The following ITGB4 variants were observed in gnomAD, a reference collection of about 807,000 sequenced individuals.
The protein encoded by ITGB4 is integrin subunit beta 4, also known as integrin beta-4.
In ITGB4, 159 loss-of-function variants were observed where a neutral mutation model predicts 207.6. The observed-to-expected ratio is 0.77, with a 90% CI of 0.67 to 0.87. The LOEUF is 0.87. Ranked by LOEUF, ITGB4 falls within the 40% of genes least tolerant of loss-of-function variation. The probability of loss-of-function intolerance (pLI) is 0.00; values close to 1 mark genes in which losing one functional copy is unlikely to be tolerated. For synonymous variants in ITGB4, 1,020 were observed against 1,062.7 expected (o/e 0.96, Z 0.78); for missense variants, 2,278 against 2,546.8 (o/e 0.89, Z 2.27).
intron 18 of ITGB4, among the ~76,000 whole-genome samples, chr17:75,738,675 C>G (rs558414870): frequency 6.6e-6 from 1 of 152,238 alleles, no homozygotes; most frequent in African/African-American, 2.4e-5. Flanking sequence ...CCGCAGCTGG[C>G]GGTCACTGGG....
Position 75,749,000 on chromosome 17 carries a change from C to T in ITGB4, c.3271C>T (p.His1091Tyr), listed in dbSNP as rs1327148448. ...GCTCAGCAACCCTAAGTTTGGGGCC[C>T]ACCTGGGCCAGCCCCACTCCACCAC... ...VQLSNPKFGA[H>Y]LGQPHSTTII... is the part of the protein sequence containing the mutation. Residue 1091 changes from histidine (H) to tyrosine (Y), a missense_variant, in exon 27 of 40, where the codon CAC (histidine) becomes TAC (tyrosine). His to Tyr is a moderately conservative substitution (Grantham distance 83). Coordinates refer to ENST00000200181, the MANE Select transcript of ITGB4 (RefSeq NM_000213.5). 1.2e-6 allele frequency: 2 copies of T among 1,612,940 alleles called. No individual in the cohort carries two copies. Among genetic ancestry groups the T allele is most frequent in the Non-Finnish European group, 1.7e-6 (2 of 1,180,010 alleles).
rs752957842 is a variant in ITGB4, at chr17:75,737,575, GCTC to G, written c.2163_2165del (p.Leu722del). On this transcript the variant is annotated inframe_deletion, in exon 18 of 40. Transcript: ENST00000200181. Reference sequence around the variant, plus strand: ...GCTCCTTCTGGTGGCTCATCCCCCTGCTCCTCCTCCTCCTGCCGCTCCTGGCCC... The same window carrying G: ...GCTCCTTCTGGTGGCTCATCCCCCTGCTCCTCCTCCTGCCGCTCCTGGCCC... 1.9e-6 allele frequency: 3 copies of G among 1,602,620 alleles called. No homozygotes were observed. Among genetic ancestry groups the G allele is most frequent in the South Asian group, 1.1e-5 (1 of 89,542 alleles).
intron 18 of ITGB4, among the ~76,000 whole-genome samples, chr17:75,737,940 C>T (rs1185481528): frequency 3.9e-5 from 6 of 151,918 alleles, no homozygotes; most frequent in African/African-American, 1.5e-4. Context: ...GTCCCCAACC[C>T]CCACCAGGGT....
chr17:75,755,334 C>A, intron 34 of ITGB4: 1 of 1,104,654 alleles, frequency 9.1e-7, no homozygotes, highest in Non-Finnish European at 1.3e-6. Flanking sequence ...GGACCCCCGC[C>A]TGCCCACAGG....
Position 75,752,279 on chromosome 17 carries a change from C to G in ITGB4, c.3899C>G (p.Ala1300Gly). 3 of 1,613,404 alleles carry G rather than the reference C, an allele frequency of 1.9e-6. No individual in the cohort carries two copies. The highest frequency in any genetic ancestry group is 2.5e-6 in the Non-Finnish European group (3 of 1,180,028). Residue 1300 changes from alanine (A) to glycine (G), a missense_variant, in exon 31 of 40, where the codon GCG becomes GGG. By Grantham distance (60) the Ala-to-Gly change is moderately conservative (BLOSUM62 0). Transcript: ENST00000200181. ...ESQPYRYTVK[A>G]RNGAGWGPER... ...CAGCCCTACCGCTACACGGTGAAGG[C>G]GCGCAACGGGGCCGGCTGGGGGCCT...
chr17:75,737,784 C>T, intron 18 of ITGB4, 140 bp downstream of exon 18: 1 of 745,192 alleles, frequency 1.3e-6, no homozygotes, highest in Non-Finnish European at 2.3e-6. Context: ...GGGTCCCCAC[C>T]TCCCCAGGGT....
At chr17:75,743,176 T>C (rs1188348769) in intron 25 of ITGB4, among the ~76,000 whole-genome samples, 2 of 151,992 alleles carry the variant, frequency 1.3e-5, no homozygotes, top group African/African-American at 4.8e-5. Flanking sequence ...TGCCCGTGAC[T>C]GGCCTCCCTC....
At chr17:75,733,928 T>G (rs1307840515) in intron 13 of ITGB4, among the ~76,000 whole-genome samples, 1 of 152,134 alleles carries the variant, frequency 6.6e-6, no homozygotes, top group Non-Finnish European at 1.5e-5. Context: ...GACTTTCCCC[T>G]GGTTTTAAGA....
rs538017948 is a variant in ITGB4, at chr17:75,750,345, C to G, written c.3474+77C>G. 25 of 1,452,712 alleles carry G rather than the reference C, an allele frequency of 1.7e-5. No homozygotes were observed. The highest frequency in any genetic ancestry group is 2.2e-5 in the Non-Finnish European group (24 of 1,068,926). The allele number at this position is 1,452,712 out of a possible 1,614,324, so 90.0% of individuals were successfully genotyped here. A position where few individuals can be genotyped will look rare whatever the true frequency, so the allele number is the denominator to read the frequency against. ...GCACTCACAGAAGAGGTGGGCCGTC[C>G]AAGGCCAGGGCCCCCTGAGAGAGAG... is the stretch of plus-strand genomic sequence containing the variant. On this transcript the variant is annotated intron_variant, in intron 28 of 39. Transcript: ENST00000200181. This position sits in a 1 kb window ranked among gnomAD's most constrained non-coding sequence, Gnocchi z 5.5.
chr17:75,751,067 T>A lies in ITGB4; in HGVS notation c.3749T>A (p.Ile1250Asn). 1 of 1,613,868 alleles carries A rather than the reference T, an allele frequency of 6.2e-7. No homozygotes were observed. The highest frequency in any genetic ancestry group is 8.5e-7 in the Non-Finnish European group (1 of 1,180,016). The change falls in exon 30 of 40, where the codon ATC (isoleucine) becomes AAC (asparagine). Residue 1250 changes from isoleucine (I) to asparagine (N), a missense_variant. Transcript: ENST00000200181. ...GAGCCGGCTGAGACCAACGGTGAGA[T>A]CACAGCCTACGAGGTCTGCTATGGC... ...WAEPAETNGE[I>N]TAYEVCYGLV... is the part of the protein sequence containing the mutation.
chr17:75,725,520 C>T (rs1010377599), intron 2 of ITGB4, among the ~76,000 whole-genome samples: 1 of 152,118 alleles, frequency 6.6e-6, no homozygotes, highest in Non-Finnish European at 1.5e-5. Context: ...CACTATGTTA[C>T]CCAGGCTGGT....
rs1169863433 is a variant in ITGB4, at chr17:75,754,771, C to G, written c.4514C>G (p.Thr1505Arg). Residue 1505 changes from threonine to arginine, a missense_variant, in exon 34 of 40, where the codon ACA becomes AGA. By Grantham distance (71) the Thr-to-Arg change is moderately conservative. Transcript: ENST00000200181. ...LTRSEHSHST[T>R]LPRDYSTLTS... ...CGCTCAGAACACTCACACTCGACCACACTGCCCAGGGACTACTCCACCCTC... is the reference window on the plus strand; with the variant it reads ...CGCTCAGAACACTCACACTCGACCAGACTGCCCAGGGACTACTCCACCCTC... 1.9e-5 allele frequency: 31 copies of G among 1,612,518 alleles called. No individual in the cohort carries two copies. The highest frequency in any genetic ancestry group is 2.6e-5 in the Non-Finnish European group (31 of 1,178,972).
chr17:75,754,697 C>T lies in ITGB4; in HGVS notation c.4440C>T (p.Arg1480=), dbSNP rs781085072. The change falls in exon 34 of 40, where the codon CGC becomes CGT. Residue 1480 remains arginine (R), a synonymous_variant. Transcript: ENST00000200181. Reference sequence around the variant, plus strand: ...ACCTGAGCCCACACGTGCCCCACCGCGTGCTAAGCACATCCTCCACCCTCA... The same window carrying T: ...ACCTGAGCCCACACGTGCCCCACCGTGTGCTAAGCACATCCTCCACCCTCA... The part of the protein sequence containing the change: ...GTHLSPHVPH[R]VLSTSSTLTR... The T allele has an allele frequency of 2.1e-5, 34 of 1,614,036 alleles. No homozygotes were observed. Among genetic ancestry groups the T allele is most frequent in the Middle Eastern group, 1.6e-4 (1 of 6,084 alleles).
rs771988652 is a variant in ITGB4 at position 75,757,207 on chromosome 17, C to T, written c.5226C>T (p.Phe1742=). 2 of 1,612,432 alleles carry T rather than the reference C, an allele frequency of 1.2e-6. No individual in the cohort carries two copies. The highest frequency in any genetic ancestry group is 2.2e-5 in the South Asian group (2 of 91,086). ...CCTATCTGCCCACCCCAGGACCCTT[C>T]CCGCAGCTGGGCAGCCGTGCCGGGC... ...ITIESQDGGP[F]PQLGSRAGLF... The change falls in exon 39 of 40, where the codon TTC becomes TTT. Residue 1742 remains phenylalanine (F), a synonymous_variant. Coordinates refer to ENST00000200181, the MANE Select transcript of ITGB4 (RefSeq NM_000213.5).
intron 12 of ITGB4, among the ~76,000 whole-genome samples, chr17:75,733,065 AG>A (rs925110616): frequency 2.0e-4 from 31 of 151,638 alleles, no homozygotes; most frequent in African/African-American, 6.8e-4. Flanking sequence ...AGCCTGGGCA[AG>A]AAGAGCGAAA....
intron 34 of ITGB4, chr17:75,755,183 G>A (rs771967474): frequency 1.2e-6 from 2 of 1,606,728 alleles, no homozygotes; most frequent in African/African-American, 1.3e-5. Context: ...AATCCTGGCT[G>A]GGAGGCCAGC....
intron 32 of ITGB4, 25 bp downstream of exon 32, chr17:75,752,602 A>G (rs1204177282): frequency 2.4e-5 from 38 of 1,612,880 alleles, no homozygotes; most frequent in Non-Finnish European, 3.1e-5. Context: ...GGGACCCACA[A>G]GAGGACAGTG....
intron 18 of ITGB4, among the ~76,000 whole-genome samples, chr17:75,738,271 C>G (rs1250470334): frequency 6.6e-6 from 1 of 150,968 alleles, no homozygotes; most frequent in Non-Finnish European, 1.5e-5. Flanking sequence ...CACCCATGAG[C>G]TCTTAGCCCG....
At chr17:75,749,675 A>G (rs1353452013) in intron 27 of ITGB4, among the ~76,000 whole-genome samples, 1 of 152,226 alleles carries the variant, frequency 6.6e-6, no homozygotes, top group Non-Finnish European at 1.5e-5. Context: ...CTTCAGCCTC[A>G]ATTCCAACTA....
Sources: gnomAD v4.1 joint callset for allele counts (sites outside exome capture counted in the v4.1 genomes callset) on GRCh38, gnomAD v4.1.1 for gene constraint, Gnocchi (gnomAD v3.1) non-coding constraint, MANE v1.5 for transcripts, NCBI Gene and HGNC (gene_info 2026-07-23, HGNC 2026-07-21) for gene names.